The following CEP350 variants were observed in gnomAD, a reference collection of about 807,000 sequenced individuals.
The protein encoded by CEP350 is centrosome-associated protein 350.
In CEP350, 126 loss-of-function variants were observed where a neutral mutation model predicts 331.8. The ratio of observed to expected loss-of-function variants is 0.38; its 90% CI spans 0.33 to 0.44. The LOEUF is 0.44. CEP350 is among the 20% of genes least tolerant of loss of function. CEP350 has a pLI of 1.00. For synonymous variants in CEP350, 1,200 were observed against 1,259.5 expected (o/e 0.95, Z 1.00); for missense variants, 3,406 against 3,634.6 (o/e 0.94, Z 1.62).
At chr1:179,961,403 G>A (rs910866351) in intron 1 of CEP350, among the ~76,000 whole-genome samples, 1 of 152,060 alleles carries the variant, frequency 6.6e-6, no homozygotes, top group East Asian at 1.9e-4. Context: ...AGCCGAGATC[G>A]CGTCACTGCA....
chr1:180,020,810 A>C lies in CEP350; in HGVS notation c.3036A>C (p.Leu1012Phe), dbSNP rs762828156. The C allele has an allele frequency of 6.2e-7, 1 of 1,613,196 alleles. No homozygotes were observed. The highest frequency in any genetic ancestry group is 8.5e-7 in the Non-Finnish European group (1 of 1,179,728). The change falls in exon 12 of 38, where the codon TTA becomes TTC. Residue 1012 changes from leucine (L) to phenylalanine (F), a missense_variant. Around this residue, in one of 5 missense-constraint regions of CEP350, gnomAD observed 1,857 missense variants for 1,909.2 expected, o/e 0.97. Transcript: ENST00000367607. ...GQPLLKVAEI[L>F]KEKEFCPGER... ...CCCTTTTGAAAGTAGCAGAAATTTTAAAAGAAAAGGAATTTTGTCCTGGAG... is the reference window on the plus strand; with the variant it reads ...CCCTTTTGAAAGTAGCAGAAATTTTCAAAGAAAAGGAATTTTGTCCTGGAG...
At chr1:180,063,118 T>G (rs1014326554) in intron 26 of CEP350, among the ~76,000 whole-genome samples, 9 of 152,088 alleles carry the variant, frequency 5.9e-5, no homozygotes, top group Admixed American at 2.0e-4. Flanking sequence ...ATACTCATTT[T>G]AGCTATCCAA....
At chr1:180,071,034 G>A (rs977982815) in intron 27 of CEP350, among the ~76,000 whole-genome samples, 2 of 150,964 alleles carry the variant, frequency 1.3e-5, no homozygotes, top group African/African-American at 4.9e-5. Flanking sequence ...TGTAATCCCA[G>A]CTACTTGGGA....
intron 6 of CEP350, among the ~76,000 whole-genome samples, chr1:179,998,977 A>G (rs1204830528): frequency 6.6e-6 from 1 of 152,094 alleles, no homozygotes; most frequent in African/African-American, 2.4e-5. Flanking sequence ...TAACAACACA[A>G]TTCTCTAATT....
intron 1 of CEP350, among the ~76,000 whole-genome samples, chr1:179,973,024 C>A (rs1043900642): frequency 6.6e-6 from 1 of 152,066 alleles, no homozygotes; most frequent in Admixed American, 6.6e-5. Flanking sequence ...CCCACCACCA[C>A]ACCCCTTTAA....
rs267598216 is a variant in CEP350 at position 180,094,347 on chromosome 1, C to T, written c.8242C>T (p.Leu2748=). The part of the protein sequence containing the change: ...LNEEKKSKQQ[L]EKISLLTDSL... ...TGAGGAAAAAAAGTCAAAACAACAACTGGAAAAAATCAGCTTACTGACAGA... is the reference window on the plus strand; with the variant it reads ...TGAGGAAAAAAAGTCAAAACAACAATTGGAAAAAATCAGCTTACTGACAGA... The change falls in exon 34 of 38, where the codon CTG becomes TTG. Residue 2748 remains leucine (L), a synonymous_variant. Transcript: ENST00000367607. The T allele has an allele frequency of 6.2e-7, 1 of 1,613,880 alleles. No homozygotes were observed. The highest frequency in any genetic ancestry group is 8.5e-7 in the Non-Finnish European group (1 of 1,179,838).
intron 1 of CEP350, among the ~76,000 whole-genome samples, chr1:179,982,094 G>A (rs996186316): frequency 6.6e-6 from 1 of 152,238 alleles, no homozygotes; most frequent in Middle Eastern, 3.4e-3. Flanking sequence ...CATTGAAAAA[G>A]CACATAAATG....
chr1:180,076,103 T>C (rs994584358), intron 28 of CEP350, among the ~76,000 whole-genome samples: 3 of 152,126 alleles, frequency 2.0e-5, no homozygotes, highest in African/African-American at 7.2e-5. Flanking sequence ...AGTAAAGGAA[T>C]TGTACCCCAG....
rs1331169926 is a variant in CEP350, at chr1:180,114,653, A to G, written c.*3492A>G. ...GTACTGTGCAGACATGAAAAAATAA[A>G]CCCGTTTACTGTGTGCGTGTAAATA... On this transcript the variant is annotated 3_prime_UTR_variant, in exon 38 of 38. Coordinates refer to ENST00000367607, the MANE Select transcript of CEP350 (RefSeq NM_014810.5). The G allele has an allele frequency of 1.3e-5, 2 of 152,606 alleles. No homozygotes were observed. Among genetic ancestry groups the G allele is most frequent in the Non-Finnish European group, 2.9e-5 (2 of 68,040 alleles). 9.5% of individuals were successfully genotyped at this position (152,606 alleles called of 1,614,324 possible). A position where few individuals can be genotyped will look rare whatever the true frequency, so the allele number is the denominator to read the frequency against.
chr1:180,026,285 A>T (rs886765733), intron 14 of CEP350, among the ~76,000 whole-genome samples: 2 of 150,796 alleles, frequency 1.3e-5, no homozygotes, highest in African/African-American at 4.9e-5. Context: ...AAAAAAAAAA[A>T]GTATTTATTT....
intron 1 of CEP350, among the ~76,000 whole-genome samples, chr1:179,965,988 G>C (rs367869617): frequency 1.3e-5 from 2 of 152,006 alleles, no homozygotes; most frequent in East Asian, 3.9e-4. Flanking sequence ...TCAGGATGGA[G>C]CCCATTAAGG....
intron 31 of CEP350, among the ~76,000 whole-genome samples, chr1:180,086,765 G>A (rs1216386285): frequency 6.6e-6 from 1 of 152,124 alleles, no homozygotes; most frequent in Non-Finnish European, 1.5e-5. Context: ...TCAGACGAAG[G>A]TAACATGGAT....
chr1:180,095,508 G>A lies in CEP350; in HGVS notation c.8512-15G>A, dbSNP rs1206809883. ...CCCTAAATGGTGCTCTGTTTGAATGGTTCCATTTCTATAGGAGAGCCCAGT... is the reference window on the plus strand; with the variant it reads ...CCCTAAATGGTGCTCTGTTTGAATGATTCCATTTCTATAGGAGAGCCCAGT... On this transcript the variant is annotated splice_polypyrimidine_tract_variant and intron_variant, in intron 34 of 37. Transcript: ENST00000367607. 1 of 1,608,180 alleles carries A rather than the reference G, an allele frequency of 6.2e-7. No individual in the cohort carries two copies. Among genetic ancestry groups the A allele is most frequent in the African/African-American group, 1.3e-5 (1 of 74,674 alleles).
intron 26 of CEP350, among the ~76,000 whole-genome samples, chr1:180,063,001 A>G (rs189798800): frequency 6.6e-6 from 1 of 152,112 alleles, no homozygotes; most frequent in South Asian, 2.1e-4. Context: ...TTAATTTAGA[A>G]TATTTTTCAC....
At chr1:180,086,180 T>TTA (rs1188512384) in intron 31 of CEP350, among the ~76,000 whole-genome samples, 1 of 152,042 alleles carries the variant, frequency 6.6e-6, no homozygotes, top group African/African-American at 2.4e-5. Context: ...TGCACAATGG[T>TTA]TAGAGTAGGA....
intron 22 of CEP350, 45 bp from the exon 23 acceptor site, chr1:180,052,925 A>G: frequency 1.4e-6 from 1 of 730,122 alleles, no homozygotes; most frequent in Non-Finnish European, 2.3e-6. Flanking sequence ...ATACCTACTG[A>G]GAACAATTAT....
intron 3 of CEP350, among the ~76,000 whole-genome samples, chr1:179,987,654 C>T (rs545878758): frequency 7.3e-5 from 11 of 151,700 alleles, no homozygotes; most frequent in Non-Finnish European, 1.3e-4. Flanking sequence ...TGGCTGGTTG[C>T]GGTGGCTTAC....
Position 179,992,118 on chromosome 1 carries a change from T to C in CEP350, c.292T>C (p.Ser98Pro). Reference protein sequence around the residue: ...VNAPISKSTKSRKEKSRSPLR... With the variant: ...VNAPISKSTKPRKEKSRSPLR... ...TGCTCCAATCTCCAAATCCACTAAA[T>C]CACGAAAAGAGAAATCTCGTAGTCC... is the stretch of plus-strand genomic sequence containing the variant. Residue 98 changes from serine to proline, a missense_variant, in exon 5 of 38, where the codon TCA (serine) becomes CCA (proline). Ser to Pro is a moderately conservative substitution (Grantham distance 74). Coordinates refer to ENST00000367607, the MANE Select transcript of CEP350 (RefSeq NM_014810.5). The C allele has an allele frequency of 6.4e-7, 1 of 1,553,496 alleles. No homozygotes were observed. The highest frequency in any genetic ancestry group is 8.7e-7 in the Non-Finnish European group (1 of 1,151,914).
rs142174522 is a variant in CEP350 at position 180,104,499 on chromosome 1, C to G, written c.9189+5514C>G. Among the ~76,000 whole-genome samples the G allele has an allele frequency of 2.0e-5, 3 of 152,214 alleles. No homozygotes were observed. In the South Asian group the frequency reaches 6.2e-4, roughly 32 times the overall value. ...TTTGCATGTAATAAACCCCAAAGTTCTCTCATGGGGATTCTTTTATAAATG... is the reference window on the plus strand; with the variant it reads ...TTTGCATGTAATAAACCCCAAAGTTGTCTCATGGGGATTCTTTTATAAATG... On this transcript the variant is annotated intron_variant, in intron 37 of 37. Coordinates refer to ENST00000367607, the MANE Select transcript of CEP350 (RefSeq NM_014810.5).
Sources: gnomAD v4.1 joint callset for allele counts (sites outside exome capture counted in the v4.1 genomes callset) on GRCh38, gnomAD v4.1.1 for gene constraint, gnomAD v4.1.1 regional missense constraint, MANE v1.5 for transcripts, NCBI Gene and HGNC (gene_info 2026-07-23, HGNC 2026-07-21) for gene names.